The following GIGYF2 variants were observed in gnomAD, a reference collection of about 807,000 sequenced individuals.
GIGYF2 encodes the protein GRB10 interacting GYF protein 2, also known as GRB10-interacting GYF protein 2.
In GIGYF2, 25 loss-of-function variants were observed where a neutral mutation model predicts 208.1. The observed-to-expected ratio is 0.12, with a 90% CI of 0.09 to 0.17. The LOEUF (loss-of-function observed/expected upper bound fraction) is 0.17. Ranked by LOEUF, GIGYF2 falls within the 10% of genes least tolerant of loss-of-function variation. The probability of loss-of-function intolerance (pLI) is 1.00; values close to 1 mark genes in which losing one functional copy is unlikely to be tolerated. For synonymous variants in GIGYF2, 534 were observed against 543.8 expected (o/e 0.98, Z 0.25); for missense variants, 1,302 against 1,579.4 (o/e 0.82, Z 2.98).
At chr2:232,735,594 A>G (rs967961880) in intron 3 of GIGYF2, 2 of 461,946 alleles carry the variant, frequency 4.3e-6, no homozygotes, top group African/African-American at 4.2e-5. Context: ...ACATTGTTTT[A>G]TCATTGCTGT....
intron 8 of GIGYF2, among the ~76,000 whole-genome samples, chr2:232,774,300 GTGTT>G (rs1423214978): frequency 6.6e-6 from 1 of 152,152 alleles, no homozygotes; most frequent in Non-Finnish European, 1.5e-5. Context: ...CCGCTCCAGA[GTGTT>G]TGTTCTTCAG....
chr2:232,783,940 G>A (rs887065559), intron 8 of GIGYF2, among the ~76,000 whole-genome samples: 1 of 151,976 alleles, frequency 6.6e-6, no homozygotes, highest in African/African-American at 2.4e-5. Context: ...CGCCCGCCTC[G>A]GCCTCCCAAA....
chr2:232,791,057 C>T lies in GIGYF2; in HGVS notation c.980C>T (p.Pro327Leu). Residue 327 changes from proline (P) to leucine (L), a missense_variant, in exon 11 of 29, where the codon CCT (proline) becomes CTT (leucine). Physicochemically the swap from Pro to Leu is moderately conservative, Grantham distance 98 (BLOSUM62 -3). Transcript: ENST00000373563. The part of the protein sequence containing the change: ...IPEEQEMDFR[P>L]VDEGEECSDS... ...GAAGAGCAGGAGATGGACTTCCGGC[C>T]TGTGGACGAAGGGGAGGAGTGCTCT... is the stretch of plus-strand genomic sequence containing the variant. 6.2e-7 allele frequency: 1 copy of T among 1,613,952 alleles called. No individual in the cohort carries two copies. Among genetic ancestry groups the T allele is most frequent in the Non-Finnish European group, 8.5e-7 (1 of 1,179,920 alleles).
intron 27 of GIGYF2, among the ~76,000 whole-genome samples, chr2:232,849,133 A>C (rs1490136742): frequency 6.6e-6 from 1 of 152,186 alleles, no homozygotes; most frequent in Non-Finnish European, 1.5e-5. Flanking sequence ...ATTGAAGGAA[A>C]AGTGAAAGAT....
chr2:232,753,899 C>T (rs1474372399), intron 5 of GIGYF2, among the ~76,000 whole-genome samples: 1 of 152,094 alleles, frequency 6.6e-6, no homozygotes, highest in Non-Finnish European at 1.5e-5. Context: ...GGCACAGTGG[C>T]TCACACCTGT....
rs185420712 is a variant in GIGYF2, at chr2:232,840,978, A to G, written c.2889+1007A>G. Reference sequence around the variant, plus strand: ...ACACAAGGAGAAATAGAAATTGTCTATATGTGTTTACCAGGTAGTGTGCTT... The same window carrying G: ...ACACAAGGAGAAATAGAAATTGTCTGTATGTGTTTACCAGGTAGTGTGCTT... On this transcript the variant is annotated intron_variant, in intron 23 of 28. Transcript: ENST00000373563. Among the ~76,000 whole-genome samples the G allele has an allele frequency of 5.0e-4, 76 of 152,148 alleles. 2 individuals are homozygous for G. Among genetic ancestry groups the G allele is most frequent in the African/African-American group, 1.4e-3 (58 of 41,486 alleles).
chr2:232,705,390 G>C (rs1346469496), intron 2 of GIGYF2: 2 of 152,052 alleles, frequency 1.3e-5, no homozygotes, highest in Non-Finnish European at 2.9e-5. Context: ...ACATTTTGAA[G>C]TCCTGTGTAT....
At chr2:232,802,850 G>A (rs909459014) in intron 14 of GIGYF2, among the ~76,000 whole-genome samples, 3 of 150,766 alleles carry the variant, frequency 2.0e-5, no homozygotes, top group African/African-American at 4.9e-5. Context: ...TGTTTGGTGC[G>A]TTTTTCACCA....
rs200599524 is a variant in GIGYF2 at position 232,819,690 on chromosome 2, TCATG to T, written c.2371-136_2371-133del. ...TTACATGTATACTTTTTACTCCAGA[TCATG>T]ATTACTTTTATGTTTACTGTTTAAC... On this transcript the variant is annotated intron_variant, in intron 20 of 28. Transcript: ENST00000373563. 4.4e-3 allele frequency: 2,757 copies of T among 622,110 alleles called. 42 individuals carry two copies. In the African/African-American group the frequency reaches 0.045, roughly 10 times the overall value. The allele number at this position is 622,110 out of a possible 1,614,324, so 38.5% of individuals were successfully genotyped here. A position where few individuals can be genotyped will look rare whatever the true frequency, so the allele number is the denominator to read the frequency against.
chr2:232,738,009 A>C (rs571839493), intron 3 of GIGYF2, among the ~76,000 whole-genome samples: 1 of 144,742 alleles, frequency 6.9e-6, no homozygotes, highest in Non-Finnish European at 1.5e-5. Context: ...CTCTGCCTCC[A>C]GGGTTCAAGT....
chr2:232,747,971 CT>C (rs1698210678), intron 4 of GIGYF2, among the ~76,000 whole-genome samples: 1 of 152,196 alleles, frequency 6.6e-6, no homozygotes, highest in Non-Finnish European at 1.5e-5. Context: ...GTAGTCAGCA[CT>C]TACTGCCTTC....
chr2:232,725,948 G>A (rs1352466325), intron 2 of GIGYF2, among the ~76,000 whole-genome samples: 1 of 152,304 alleles, frequency 6.6e-6, no homozygotes, highest in East Asian at 1.9e-4. Flanking sequence ...AGAGGTTGGG[G>A]CTACTTGTAA....
In GIGYF2 at chr2:232,747,558, T is replaced by A. The variant is rs535053134; in HGVS notation, c.42-57T>A. ...ATGAATTTTTTTTGACAGTGTATAG[T>A]ATAAAAAGTCTGTAGCACCAGAATG... is the stretch of plus-strand genomic sequence containing the variant. On this transcript the variant is annotated intron_variant, in intron 3 of 28. Transcript: ENST00000373563. 4,229 of 1,596,276 alleles carry A rather than the reference T, an allele frequency of 2.6e-3. 13 individuals carry two copies. The highest frequency in any genetic ancestry group is 0.011 in the Middle Eastern group (65 of 6,020).
chr2:232,844,209 A>G lies in GIGYF2; in HGVS notation c.3053A>G (p.Gln1018Arg), dbSNP rs1260818846. The G allele has an allele frequency of 6.4e-7, 1 of 1,562,956 alleles. No homozygotes were observed. Among genetic ancestry groups the G allele is most frequent in the Admixed American group, 1.9e-5 (1 of 51,804 alleles). The change falls in exon 24 of 29, where the codon CAG (glutamine) becomes CGG (arginine). Residue 1018 changes from glutamine (Q) to arginine (R), a missense_variant. Physicochemically the swap from Gln to Arg is conservative, Grantham distance 43 (BLOSUM62 1). Around this residue, in one of 8 missense-constraint regions of GIGYF2, gnomAD observed 701 missense variants for 793.0 expected, o/e 0.88. Coordinates refer to ENST00000373563, the MANE Select transcript of GIGYF2 (RefSeq NM_001103146.3). ...GCCAGGCAAATGCAAAAGCAGCAGC[A>G]GCAGCAGCAGCAACACCAGCAACCA... ...EEARQMQKQQ[Q>R]QQQQHQQPNR...
chr2:232,856,822 C>T lies in GIGYF2; in HGVS notation c.3862C>T (p.Leu1288Phe). Residue 1288 changes from leucine (L) to phenylalanine (F), a missense_variant, in exon 29 of 29, where the codon CTC becomes TTC. Physicochemically the swap from Leu to Phe is conservative, Grantham distance 22 (BLOSUM62 0). This residue lies in a region of GIGYF2 where 25 missense variants were observed against 53.7 expected (regional missense o/e 0.47). Coordinates refer to ENST00000373563, the MANE Select transcript of GIGYF2 (RefSeq NM_001103146.3). ...TTCAGTCAATGCATCATCGGAGCGA[C>T]TCAACATGGGTGAAATCGAGACGTT... ...GFSVNASSER[L>F]NMGEIETLDD... The T allele has an allele frequency of 6.2e-7, 1 of 1,613,662 alleles. No homozygotes were observed.
chr2:232,798,657 C>T (rs544868261), intron 14 of GIGYF2, among the ~76,000 whole-genome samples: 1 of 152,258 alleles, frequency 6.6e-6, no homozygotes, highest in Non-Finnish European at 1.5e-5. Flanking sequence ...CATTACATTT[C>T]CCTAATGGCT....
chr2:232,719,321 A>G (rs533979640), intron 2 of GIGYF2, among the ~76,000 whole-genome samples: 15 of 152,172 alleles, frequency 9.9e-5, no homozygotes, highest in African/African-American at 3.1e-4. Flanking sequence ...CTCAGCACCT[A>G]CTTTGGCTTC....
At chr2:232,779,223 C>G (rs538327786) in intron 8 of GIGYF2, among the ~76,000 whole-genome samples, 1 of 152,034 alleles carries the variant, frequency 6.6e-6, no homozygotes, top group Admixed American at 6.5e-5. Context: ...AACATTTCTT[C>G]GGTGAATGAA....
chr2:232,712,080 C>G (rs1397091713), intron 2 of GIGYF2, among the ~76,000 whole-genome samples: 1 of 152,008 alleles, frequency 6.6e-6, no homozygotes, highest in African/African-American at 2.4e-5. Flanking sequence ...CGAATAGAAA[C>G]TTTCCAAAAT....
Sources: allele counts gnomAD v4.1 joint callset (sites outside exome capture counted in the v4.1 genomes callset), GRCh38; gene constraint gnomAD v4.1.1; regional missense constraint gnomAD v4.1.1; transcripts MANE v1.5; gene names NCBI Gene and HGNC (gene_info 2026-07-23, HGNC 2026-07-21).